Variants in ANKRD36 observed in about 807,000 individuals in gnomAD.
ANKRD36 encodes the protein ankyrin repeat domain 36, also known as ankyrin repeat domain-containing protein 36A.
A neutral mutation model predicts 278.1 loss-of-function variants in ANKRD36; 179 were observed. The observed-to-expected ratio is 0.64, with a 90% CI of 0.57 to 0.73. ANKRD36 has a LOEUF of 0.73. Ranked by LOEUF, ANKRD36 falls within the 30% of genes least tolerant of loss-of-function variation. The pLI, the probability that ANKRD36 is intolerant of heterozygous loss-of-function variation, is 0.00. For missense variants in ANKRD36, 1,159 were observed against 1,956.7 expected (o/e 0.59, Z 7.69); for synonymous variants, 320 against 641.1 (o/e 0.50, Z 7.57).
rs536475345 is a variant in ANKRD36 at position 97,216,307 on chromosome 2, G to A, written c.3673+810G>A. Among the ~76,000 whole-genome samples the A allele has an allele frequency of 5.3e-5, 8 of 151,946 alleles. No homozygotes were observed. The East Asian group carries it at 1.4e-3, about 26-fold the overall frequency. On this transcript the variant is annotated intron_variant, in intron 62 of 75. Transcript: ENST00000420699. ...TTGGATGAAACTTCTTTAGAGAATA[G>A]CATGATACTCCCAACAAGACTATTA...
chr2:97,153,966 G>A (rs2046784850), intron 14 of ANKRD36, among the ~76,000 whole-genome samples: 1 of 148,162 alleles, frequency 6.7e-6, no homozygotes, highest in African/African-American at 2.4e-5. Flanking sequence ...TGGTTTTTGT[G>A]GACCTGAATA....
Position 97,142,625 on chromosome 2 carries a change from C to A in ANKRD36, c.800-15C>A, listed in dbSNP as rs772814301. 10 of 1,607,492 alleles carry A rather than the reference C, an allele frequency of 6.2e-6. No individual in the cohort carries two copies. The highest frequency in any genetic ancestry group is 6.8e-6 in the Non-Finnish European group (8 of 1,179,030). ...ATTTACATATGATTGATTATGTATC[C>A]CTTTTGCTTTTCAGTGTCTTCTCAG... On this transcript the variant is annotated splice_polypyrimidine_tract_variant and intron_variant, in intron 6 of 75. Transcript: ENST00000420699.
chr2:97,195,935 C>T (rs58400029), intron 40 of ANKRD36, among the ~76,000 whole-genome samples: 9,504 of 151,740 alleles, frequency 0.063, 937 homozygotes, highest in African/African-American at 0.22. Flanking sequence ...CCTTTGGTGC[C>T]ATGAGTGGAT....
intron 17 of ANKRD36, 91 bp downstream of exon 17, chr2:97,158,746 T>G: frequency 7.9e-7 from 1 of 1,258,210 alleles, no homozygotes; most frequent in Non-Finnish European, 1.1e-6. Flanking sequence ...GATCTTTAGT[T>G]TTACAATGGT....
intron 30 of ANKRD36, 78 bp from the exon 31 acceptor site, chr2:97,187,120 G>C: frequency 6.3e-7 from 1 of 1,590,138 alleles, no homozygotes; most frequent in Non-Finnish European, 8.5e-7. Flanking sequence ...GATACAGCTT[G>C]ATGCTAACAC....
intron 26 of ANKRD36, 127 bp downstream of exon 26, chr2:97,181,920 A>G (rs1228791933): frequency 1.6e-6 from 2 of 1,253,154 alleles, no homozygotes; most frequent in Non-Finnish European, 2.2e-6. Flanking sequence ...GAGATTCTTC[A>G]GTTCTCAGGT....
rs371944504 is a variant in ANKRD36, at chr2:97,208,060, C to A, written c.3265+54C>A. ...GTTCAGTGCAGATAGATAAGAAGTT[C>A]TCTTCCCTGAATAAATCAGCGGGGG... On this transcript the variant is annotated intron_variant, in intron 54 of 75. Transcript: ENST00000420699. 6.0e-4 allele frequency: 859 copies of A among 1,437,004 alleles called. No homozygotes were observed. In the East Asian group the frequency reaches 0.013, roughly 22 times the overall value. The allele number at this position is 1,437,004 out of a possible 1,614,324, so 89.0% of individuals were successfully genotyped here.
At chr2:97,129,083 AC>A (rs1208315617) in intron 6 of ANKRD36, among the ~76,000 whole-genome samples, 1 of 152,092 alleles carries the variant, frequency 6.6e-6, no homozygotes, top group Non-Finnish European at 1.5e-5. Flanking sequence ...TTACAGTCCC[AC>A]CAACAGTGTA....
intron 22 of ANKRD36, among the ~76,000 whole-genome samples, chr2:97,177,067 C>T (rs1184507845): frequency 1.3e-5 from 2 of 151,628 alleles, no homozygotes; most frequent in African/African-American, 4.8e-5. Context: ...TGAGTGAACT[C>T]CCATTCACAA....
chr2:97,152,784 C>T (rs1174626508), intron 14 of ANKRD36, among the ~76,000 whole-genome samples: 2 of 147,206 alleles, frequency 1.4e-5, no homozygotes, highest in Non-Finnish European at 3.1e-5. Flanking sequence ...CAACATTAGA[C>T]CATCATGCTG....
chr2:97,166,027 A>C (rs1261498675), intron 20 of ANKRD36, among the ~76,000 whole-genome samples: 4 of 118,698 alleles, frequency 3.4e-5, no homozygotes, highest in Non-Finnish European at 6.2e-5. Flanking sequence ...TTAAAATTAA[A>C]TATGTTTAAT....
chr2:97,144,822 G>T (rs1219357460), intron 10 of ANKRD36, 110 bp downstream of exon 10: 17 of 1,374,372 alleles, frequency 1.2e-5, no homozygotes, highest in Non-Finnish European at 1.7e-5. Flanking sequence ...GATTCAGCGG[G>T]CCTGAGATTC....
Position 97,158,310 on chromosome 2 carries a change from T to G in ANKRD36, c.1321+143T>G, listed in dbSNP as rs1001264763. ...TGGCATGATCTTGGCTCACTGCAAC[T>G]TCTACCTCCTGGGTTCAAGTGATTC... On this transcript the variant is annotated intron_variant, in intron 16 of 75. Transcript: ENST00000420699. 6.1e-6 allele frequency: 6 copies of G among 984,140 alleles called. No homozygotes were observed. In the African/African-American group the frequency reaches 8.2e-5, roughly 13 times the overall value. The allele number at this position is 984,140 out of a possible 1,614,324, so 61.0% of individuals were successfully genotyped here. A position where few individuals can be genotyped will look rare whatever the true frequency, so the allele number is the denominator to read the frequency against.
chr2:97,129,648 A>G (rs2039548618), intron 6 of ANKRD36, among the ~76,000 whole-genome samples: 2 of 152,054 alleles, frequency 1.3e-5, no homozygotes, highest in Admixed American at 6.6e-5. Context: ...TAATTTTTGT[A>G]TAAGGTGTAA....
chr2:97,152,010 A>G (rs898623935), intron 13 of ANKRD36, 71 bp downstream of exon 13: 56 of 1,230,890 alleles, frequency 4.5e-5, no homozygotes, highest in Non-Finnish European at 6.2e-5. Flanking sequence ...TTCTTTGTGA[A>G]ACACAGTCTT....
At chr2:97,220,051 CTGTGTGTGTGTGTGTG>C (rs71274689) in intron 66 of ANKRD36, among the ~76,000 whole-genome samples, 26 of 111,266 alleles carry the variant, frequency 2.3e-4, no homozygotes, top group Non-Finnish European at 9.9e-5. Flanking sequence ...GATTAGCACA[CTGTGTGTGTGTGTGTG>C]TGTGTGTGTG....
intron 62 of ANKRD36, 113 bp downstream of exon 62, chr2:97,215,610 C>T (rs2065720440): frequency 2.6e-6 from 4 of 1,557,336 alleles, no homozygotes; most frequent in African/African-American, 2.7e-5. Flanking sequence ...TTCAGCATGC[C>T]TGAGATTCTT....
chr2:97,158,083 T>C (rs2047925228), intron 15 of ANKRD36, 24 bp from the exon 16 acceptor site: 1 of 1,442,038 alleles, frequency 6.9e-7, no homozygotes, highest in Non-Finnish European at 9.4e-7. Context: ...TGCATGTTAT[T>C]CTTAAACCTA....
chr2:97,163,784 C>T (rs945689999), intron 18 of ANKRD36: 22 of 493,782 alleles, frequency 4.5e-5, no homozygotes, highest in Admixed American at 1.2e-4. Context: ...ACCGTGTTAG[C>T]CAGGATGGTC....
Sources: allele counts gnomAD v4.1 joint callset (sites outside exome capture counted in the v4.1 genomes callset), GRCh38; gene constraint gnomAD v4.1.1; transcripts MANE v1.5; gene names NCBI Gene and HGNC (gene_info 2026-07-23, HGNC 2026-07-21).